The following SPATA9 variants were observed in gnomAD, a reference collection of about 807,000 sequenced individuals.
The protein encoded by SPATA9 is spermatogenesis-associated protein 9.
Under a neutral mutation model 25.5 loss-of-function variants are expected in SPATA9, and 27 were observed. That is an observed-to-expected ratio of 1.06 (90% CI 0.78 to 1.46). The LOEUF (loss-of-function observed/expected upper bound fraction) is 1.46. Among genes scored for constraint, SPATA9 ranks in the 40% most tolerant of loss-of-function variants. The probability of loss-of-function intolerance (pLI) is 0.00; values close to 1 mark genes in which losing one functional copy is unlikely to be tolerated. For synonymous variants in SPATA9, 102 were observed against 105.7 expected (o/e 0.97, Z 0.21); for missense variants, 282 against 297.5 (o/e 0.95, Z 0.38).
At chr5:95,695,708 A>T (rs1753999561) in intron 1 of SPATA9, among the ~76,000 whole-genome samples, 1 of 152,230 alleles carries the variant, frequency 6.6e-6, no homozygotes, top group African/African-American at 2.4e-5. Context: ...TATTAGAAAC[A>T]AACACTGAGA....
chr5:95,653,464 A>G (rs565864583), downstream of SPATA9, among the ~76,000 whole-genome samples: 3 of 152,250 alleles, frequency 2.0e-5, no homozygotes, highest in East Asian at 1.9e-4. Context: ...TTAAATCTCT[A>G]TGTTTTACAA....
intron 3 of SPATA9, among the ~76,000 whole-genome samples, chr5:95,672,753 ATCAG>A (rs1752520938): frequency 6.6e-6 from 1 of 152,194 alleles, no homozygotes; most frequent in Non-Finnish European, 1.5e-5. Flanking sequence ...GAAACTCATT[ATCAG>A]TCAAAGTAAA....
At chr5:95,693,777 T>C (rs1330936658) in intron 1 of SPATA9, among the ~76,000 whole-genome samples, 1 of 152,234 alleles carries the variant, frequency 6.6e-6, no homozygotes, top group Non-Finnish European at 1.5e-5. Context: ...TTTTGGATCT[T>C]AACAATCTGT....
At chr5:95,701,935 C>T (rs985088582), upstream of SPATA9, among the ~76,000 whole-genome samples, 6 of 152,218 alleles carry the variant, frequency 3.9e-5, no homozygotes, top group Non-Finnish European at 7.4e-5. Context: ...ACAACAATAG[C>T]GGATTACATA....
At chr5:95,681,960 C>T (rs560494778) in intron 2 of SPATA9, among the ~76,000 whole-genome samples, 1 of 152,232 alleles carries the variant, frequency 6.6e-6, no homozygotes, top group East Asian at 1.9e-4. Flanking sequence ...TACATGTGTT[C>T]CCTAAACAAG....
downstream of SPATA9, among the ~76,000 whole-genome samples, chr5:95,654,786 C>T (rs528765139): frequency 2.6e-5 from 4 of 152,060 alleles, no homozygotes; most frequent in South Asian, 2.1e-4. Flanking sequence ...GAAAAAAGCA[C>T]GTCATAGGAT....
In SPATA9 at chr5:95,658,736, C is replaced by T; in HGVS notation, c.652G>A (p.Glu218Lys). The T allele has an allele frequency of 6.2e-7, 1 of 1,613,864 alleles. No homozygotes were observed. Among genetic ancestry groups the T allele is most frequent in the Non-Finnish European group, 8.5e-7 (1 of 1,179,898 alleles). ...GGGTAATCTGAAATGTCTGGCTTCT[C>T]CGGCAATGACCTATAAGGTTTTGCT... is the stretch of plus-strand genomic sequence containing the variant. The part of the protein sequence containing the change: ...IKAKPYRSLP[E>K]KPDISDYPKL... The change falls in exon 5 of 5, where the codon GAG (glutamate) becomes AAG (lysine). Residue 218 changes from glutamate to lysine, a missense_variant. Coordinates refer to ENST00000274432, the MANE Select transcript of SPATA9 (RefSeq NM_031952.4).
intron 4 of SPATA9, 85 bp from the exon 5 acceptor site, chr5:95,658,998 A>G (rs1449582768): frequency 8.1e-6 from 12 of 1,485,470 alleles, no homozygotes; most frequent in Non-Finnish European, 1.1e-5. Flanking sequence ...AGTGTTCCAC[A>G]TAAAGTCATT....
downstream of SPATA9, among the ~76,000 whole-genome samples, chr5:95,655,655 G>C (rs1002420276): frequency 1.3e-5 from 2 of 152,154 alleles, no homozygotes; most frequent in African/African-American, 2.4e-5. Flanking sequence ...CATGCCTTTA[G>C]TAACTCCTTT....
At chr5:95,682,250 A>G (rs1228807558) in intron 2 of SPATA9, among the ~76,000 whole-genome samples, 1 of 152,136 alleles carries the variant, frequency 6.6e-6, no homozygotes, top group African/African-American at 2.4e-5. Flanking sequence ...TTACATTGCA[A>G]TTGTAGTGTT....
chr5:95,660,627 CTG>C (rs1314935145), intron 4 of SPATA9, among the ~76,000 whole-genome samples: 1 of 152,194 alleles, frequency 6.6e-6, no homozygotes, highest in Non-Finnish European at 1.5e-5. Context: ...TGATCATTCT[CTG>C]TGAATTCATG....
At chr5:95,655,898 C>A, downstream of SPATA9, 1 of 654,988 alleles carries the variant, frequency 1.5e-6, no homozygotes, top group Non-Finnish European at 2.6e-6. Context: ...AGATTAGGAT[C>A]TGCTTTATGC....
upstream of SPATA9, among the ~76,000 whole-genome samples, chr5:95,702,111 C>G (rs1425934128): frequency 1.3e-5 from 2 of 152,048 alleles, no homozygotes; most frequent in African/African-American, 2.4e-5. Flanking sequence ...TGCTTTCAGT[C>G]AACAGAGTCA....
chr5:95,653,926 T>C, downstream of SPATA9: 1 of 614,136 alleles, frequency 1.6e-6, no homozygotes, highest in Non-Finnish European at 2.8e-6. Context: ...TATTTATAAA[T>C]GTTTTATATA....
At chr5:95,655,039 C>T (rs570817126), downstream of SPATA9, among the ~76,000 whole-genome samples, 21 of 152,158 alleles carry the variant, frequency 1.4e-4, no homozygotes, top group African/African-American at 3.1e-4. Flanking sequence ...CTTGTTTCTT[C>T]ATGAAATTGG....
At chr5:95,703,681 G>A (rs1303504294), upstream of SPATA9, among the ~76,000 whole-genome samples, 3 of 151,646 alleles carry the variant, frequency 2.0e-5, no homozygotes, top group African/African-American at 7.3e-5. Context: ...ATATCTGGAA[G>A]GATATATATC....
chr5:95,731,292 G>T, the SPATA9 span: 1 of 1,030,070 alleles, frequency 9.7e-7, no homozygotes, highest in Non-Finnish European at 1.2e-6. Context: ...CGATCTCCCC[G>T]ACCCCCCTTC....
rs370425232 is a variant in SPATA9 at position 95,660,453 on chromosome 5, A to G, written c.475-1540T>C. On this transcript the variant is annotated intron_variant, in intron 4 of 4. Transcript: ENST00000274432. ...AATTGTACAAACCTGGGAATTGCCT[A>G]ACTCCCAACTTATAATTAAGATATT... Among the ~76,000 whole-genome samples, 72 of 152,308 alleles carry G rather than the reference A, an allele frequency of 4.7e-4. 1 individual carries two copies. The South Asian group carries it at 0.015, about 31-fold the overall frequency.
chr5:95,658,643 C>T lies in SPATA9; in HGVS notation c.745G>A (p.Glu249Lys), dbSNP rs753223762. 6.2e-7 allele frequency: 1 copy of T among 1,612,994 alleles called. No individual in the cohort carries two copies. The highest frequency in any genetic ancestry group is 2.2e-5 in the East Asian group (1 of 44,842). Residue 249 changes from glutamate to lysine, a missense_variant, in exon 5 of 5, where the codon GAA becomes AAA. Physicochemically the swap from Glu to Lys is moderately conservative, Grantham distance 56. Coordinates refer to ENST00000274432, the MANE Select transcript of SPATA9 (RefSeq NM_031952.4). ...TGTATTCAGATTTGCTCATTCATTT[C>T]AGCTGATTGGTCAAACACAGAATGT... ...VLHSVFDQSAEMNEQI is the reference protein window; with the variant it reads ...VLHSVFDQSAKMNEQI
Sources: gnomAD v4.1 joint callset for allele counts (sites outside exome capture counted in the v4.1 genomes callset) on GRCh38, gnomAD v4.1.1 for gene constraint, MANE v1.5 for transcripts, NCBI Gene and HGNC (gene_info 2026-07-23, HGNC 2026-07-21) for gene names.